The following MAP2K5 variants were observed in gnomAD, a reference collection of about 807,000 sequenced individuals.
The protein encoded by MAP2K5 is mitogen-activated protein kinase kinase 5.
In MAP2K5, 49 loss-of-function variants were observed where a neutral mutation model predicts 83.1. That is an observed-to-expected ratio of 0.59 (90% CI 0.47 to 0.75). The LOEUF (loss-of-function observed/expected upper bound fraction) is 0.75, where lower values mean the gene tolerates loss of function less well. Ranked by LOEUF, MAP2K5 falls within the 30% of genes least tolerant of loss-of-function variation. The pLI is 0.00. For missense variants in MAP2K5, 457 were observed against 557.5 expected (o/e 0.82, Z 1.82); for synonymous variants, 202 against 191.8 (o/e 1.05, Z -0.44).
At chr15:67,557,500 C>A (rs1212453802) in intron 2 of MAP2K5, among the ~76,000 whole-genome samples, 2 of 152,204 alleles carry the variant, frequency 1.3e-5, no homozygotes, top group Non-Finnish European at 2.9e-5. Context: ...TGCCTTTCTT[C>A]AACCCCATTT....
intron 9 of MAP2K5, among the ~76,000 whole-genome samples, chr15:67,635,965 C>CTTT (rs922322192): frequency 1.5e-4 from 23 of 151,160 alleles, no homozygotes; most frequent in African/African-American, 5.1e-4. Flanking sequence ...CCTCTGCTTT[C>CTTT]TTTTTTTTTG....
chr15:67,737,844 C>CTTGT (rs2089376610), intron 17 of MAP2K5, among the ~76,000 whole-genome samples: 1 of 69,296 alleles, frequency 1.4e-5, no homozygotes, highest in African/African-American at 6.0e-5. Flanking sequence ...ATAGAATAGT[C>CTTGT]TTTTTTTTTT....
Position 67,587,883 on chromosome 15 carries a change from A to G in MAP2K5, c.431+970A>G, listed in dbSNP as rs975966154. 6.6e-6 allele frequency among the ~76,000 whole-genome samples: 1 copy of G among 151,950 alleles called. No individual in the cohort carries two copies. Among genetic ancestry groups the G allele is most frequent in the Non-Finnish European group, 1.5e-5 (1 of 67,984 alleles). On this transcript the variant is annotated intron_variant, in intron 6 of 21. Coordinates refer to ENST00000178640, the MANE Select transcript of MAP2K5 (RefSeq NM_145160.3). The surrounding 1 kb of genome is among the most constrained non-coding windows in gnomAD (Gnocchi z 4.8). ...GTCAGTCCCCACACTTGTGGGTTCT[A>G]CCTTCTGAGTAGCTCTGCGTCTTTC...
At chr15:67,727,976 T>C (rs2141248097) in intron 17 of MAP2K5, 31 bp downstream of exon 17, 2 of 1,590,840 alleles carry the variant, frequency 1.3e-6, no homozygotes, top group Non-Finnish European at 1.7e-6. Context: ...TGTTTGCCAC[T>C]GTGACATTCA....
intron 9 of MAP2K5, 81 bp downstream of exon 9, chr15:67,631,008 C>G: frequency 8.8e-7 from 1 of 1,139,312 alleles, no homozygotes; most frequent in Non-Finnish European, 1.3e-6. Flanking sequence ...CAGATATTGT[C>G]AAAGAGGAGA....
At chr15:67,574,540 C>T (rs2085014633) in intron 3 of MAP2K5, among the ~76,000 whole-genome samples, 1 of 150,396 alleles carries the variant, frequency 6.6e-6, no homozygotes, top group South Asian at 2.1e-4. Context: ...CCATTGCACT[C>T]CAGCCTGGGT....
intron 19 of MAP2K5, among the ~76,000 whole-genome samples, chr15:67,767,067 G>T (rs1566957418): frequency 6.6e-6 from 1 of 152,050 alleles, no homozygotes. Context: ...CTGCAAAGTC[G>T]ACTTGGGCTG....
rs370307969 is a variant in MAP2K5 at position 67,653,114 on chromosome 15, A to T, written c.737-5439A>T. ...TTCTCAGAATTAATCTGTTTCATCT[A>T]GGTTATCTAATTTATTGATACACAG... On this transcript the variant is annotated intron_variant, in intron 11 of 21. Transcript: ENST00000178640. 5.3e-5 allele frequency among the ~76,000 whole-genome samples: 8 copies of T among 151,994 alleles called. No homozygotes were observed. The East Asian group carries it at 1.2e-3, about 22-fold the overall frequency.
At position 67,702,946 on chromosome 15, in the gene MAP2K5, G is replaced by A. The variant is rs7175009; in HGVS notation, c.973-391G>A. On this transcript the variant is annotated intron_variant, in intron 15 of 21. Coordinates refer to ENST00000178640, the MANE Select transcript of MAP2K5 (RefSeq NM_145160.3). The surrounding 1 kb of genome is among the most constrained non-coding windows in gnomAD (Gnocchi z 4.6). ...CAAATAAGTGATAATATCATATAAT[G>A]TTGTGTAATTTGTTACTCCACAACA... 0.16 allele frequency among the ~76,000 whole-genome samples: 24,301 copies of A among 152,078 alleles called. 2,018 individuals carry two copies. The highest frequency in any genetic ancestry group is 0.18 in the African/African-American group (7,589 of 41,490).
At chr15:67,806,046 G>A (rs1168202777) in intron 21 of MAP2K5, among the ~76,000 whole-genome samples, 2 of 152,168 alleles carry the variant, frequency 1.3e-5, no homozygotes, top group African/African-American at 4.8e-5. Flanking sequence ...CCAGAGTCCA[G>A]CCCCCAATGG....
intron 19 of MAP2K5, among the ~76,000 whole-genome samples, chr15:67,759,516 C>T (rs1482847705): frequency 1.3e-5 from 2 of 150,198 alleles, no homozygotes; most frequent in African/African-American, 4.9e-5. Context: ...GCCAAGATCA[C>T]GCTACTGCAC....
rs956627162 is a variant in MAP2K5 at position 67,777,002 on chromosome 15, T to TC, written c.1242+4251dup. On this transcript the variant is annotated intron_variant, in intron 21 of 21. Coordinates refer to ENST00000178640, the MANE Select transcript of MAP2K5 (RefSeq NM_145160.3). The surrounding 1 kb of genome is among the most constrained non-coding windows in gnomAD (Gnocchi z 6.0). ...TCTATGCATGTGGAGATGTTTCTTTTCATCCAAAAACAGGAATTCATGACT... is the reference window on the plus strand; with the variant it reads ...TCTATGCATGTGGAGATGTTTCTTTTCCATCCAAAAACAGGAATTCATGACT... Among the ~76,000 whole-genome samples the TC allele has an allele frequency of 7.2e-5, 11 of 152,232 alleles. No homozygotes were observed. Among genetic ancestry groups the TC allele is most frequent in the African/African-American group, 2.7e-4 (11 of 41,458 alleles).
chr15:67,764,626 C>T lies in MAP2K5; in HGVS notation c.1135-4976C>T, dbSNP rs148665967. 2.0e-5 allele frequency among the ~76,000 whole-genome samples: 3 copies of T among 152,250 alleles called. No homozygotes were observed. Among genetic ancestry groups the T allele is most frequent in the African/African-American group, 4.8e-5 (2 of 41,544 alleles). ...CCATTCCACAATGCCAGGCTCATTG[C>T]GTTCCACATGGTAGATGCCCACAAA... On this transcript the variant is annotated intron_variant, in intron 19 of 21. Transcript: ENST00000178640. The surrounding 1 kb of genome is among the most constrained non-coding windows in gnomAD (Gnocchi z 4.9).
Position 67,764,774 on chromosome 15 carries a change from A to T in MAP2K5, c.1135-4828A>T, listed in dbSNP as rs1331929694. Among the ~76,000 whole-genome samples the T allele has an allele frequency of 6.6e-6, 1 of 152,170 alleles. No individual in the cohort carries two copies. The highest frequency in any genetic ancestry group is 1.5e-5 in the Non-Finnish European group (1 of 68,022). On this transcript the variant is annotated intron_variant, in intron 19 of 21. Transcript: ENST00000178640. This position sits in a 1 kb window ranked among gnomAD's most constrained non-coding sequence, Gnocchi z 4.9. ...TTGTCAGGTCCCCCTGTCACCTTTA[A>T]TTATGAATTATAGGCAAAAATGTAG...
At chr15:67,642,603 A>G in intron 9 of MAP2K5, 2 of 731,144 alleles carry the variant, frequency 2.7e-6, no homozygotes, top group Non-Finnish European at 5.0e-6. Flanking sequence ...CCCCAAGTAC[A>G]GGAAACAGCA....
chr15:67,625,089 C>G (rs2086286856), intron 8 of MAP2K5, among the ~76,000 whole-genome samples: 1 of 152,182 alleles, frequency 6.6e-6, no homozygotes, highest in African/African-American at 2.4e-5. Flanking sequence ...ATAATTTTCT[C>G]TGTTTTCTAC....
chr15:67,726,353 TATTTA>T (rs2141246376), intron 16 of MAP2K5, among the ~76,000 whole-genome samples: 1 of 152,330 alleles, frequency 6.6e-6, no homozygotes, highest in South Asian at 2.1e-4. Context: ...AGCAACAAAA[TATTTA>T]GTTTTTGTAT....
chr15:67,608,408 G>A (rs544887236), intron 8 of MAP2K5, among the ~76,000 whole-genome samples: 2 of 152,286 alleles, frequency 1.3e-5, no homozygotes, highest in East Asian at 1.9e-4. Flanking sequence ...TGTGGAGGGC[G>A]TGTCAGATGT....
chr15:67,735,580 G>A (rs1372747573), intron 17 of MAP2K5, among the ~76,000 whole-genome samples: 1 of 152,154 alleles, frequency 6.6e-6, no homozygotes, highest in Non-Finnish European at 1.5e-5. Flanking sequence ...AAAACCAATG[G>A]CAGTTGATAT....
Sources: gnomAD v4.1 joint callset for allele counts (sites outside exome capture counted in the v4.1 genomes callset) on GRCh38, gnomAD v4.1.1 for gene constraint, Gnocchi (gnomAD v3.1) non-coding constraint, MANE v1.5 for transcripts, NCBI Gene and HGNC (gene_info 2026-07-23, HGNC 2026-07-21) for gene names.